The following LINGO3 variants were observed in gnomAD, a reference collection of about 807,000 sequenced individuals.
LINGO3 encodes leucine rich repeat and Ig domain containing 3, also known as leucine-rich repeat and immunoglobulin-like domain-containing nogo receptor-interacting protein 3.
For missense variants in LINGO3, 750 were observed against 867.7 expected (o/e 0.86, Z 1.70); for synonymous variants, 427 against 444.2 (o/e 0.96, Z 0.49).
chr19:2,301,831 G>T, the LINGO3 span, among the ~76,000 whole-genome samples: 1 of 150,988 alleles, frequency 6.6e-6, no homozygotes, highest in Non-Finnish European at 1.5e-5. Context: ...GGGAGGCTGA[G>T]GCAGGAGAAT....
downstream of LINGO3, among the ~76,000 whole-genome samples, chr19:2,288,457 G>A (rs111742787): frequency 6.8e-3 from 1,034 of 152,320 alleles, 4 homozygotes; most frequent in Non-Finnish European, 0.012. The surrounding 1 kb of genome is among the most constrained non-coding windows in gnomAD (Gnocchi z 6.5). Context: ...CGGCTCAGAG[G>A]TCATGTGTAC....
At chr19:2,305,391 A>G in the LINGO3 span, among the ~76,000 whole-genome samples, 1 of 152,156 alleles carries the variant, frequency 6.6e-6, no homozygotes, top group South Asian at 2.1e-4. Flanking sequence ...TCTTAGCTCA[A>G]GGAGAAGGCA....
chr19:2,289,870 A>T, exon 1 of LINGO3: 1 of 761,574 alleles, frequency 1.3e-6, no homozygotes, highest in South Asian at 1.9e-5. Context: ...GGCGTCTACA[A>T]AAAAAGGGGA....
At chr19:2,289,963 G>A (rs79931780) in exon 1 of LINGO3, 169,736 of 1,433,174 alleles carry the variant, frequency 0.12, 11,016 homozygotes, top group Non-Finnish European at 0.14. Context: ...CCGGCCCGCG[G>A]GGGAGGGGAG....
downstream of LINGO3, among the ~76,000 whole-genome samples, chr19:2,287,649 T>C (rs1478209490): frequency 6.6e-6 from 1 of 152,250 alleles, no homozygotes; most frequent in Non-Finnish European, 1.5e-5. This position sits in a 1 kb window ranked among gnomAD's most constrained non-coding sequence, Gnocchi z 4.5. Flanking sequence ...TGTTTCTCTC[T>C]GGCTGATCGA....
At chr19:2,299,462 C>T in the LINGO3 span, among the ~76,000 whole-genome samples, 17 of 151,848 alleles carry the variant, frequency 1.1e-4, no homozygotes, top group South Asian at 4.2e-4. Context: ...CTCGCTCTGT[C>T]GCCCAGGCTG....
the LINGO3 span, among the ~76,000 whole-genome samples, chr19:2,302,789 C>G: frequency 6.6e-6 from 1 of 152,214 alleles, no homozygotes; most frequent in East Asian, 1.9e-4. Context: ...GGGGCCGGGC[C>G]GGCGGCAGGG....
chr19:2,298,536 ATTTTT>A, the LINGO3 span, among the ~76,000 whole-genome samples: 13 of 114,114 alleles, frequency 1.1e-4, no homozygotes, highest in Admixed American at 1.9e-4. Flanking sequence ...TGGGCCAATA[ATTTTT>A]TTTTTTTTTT....
At chr19:2,306,050 C>CG in the LINGO3 span, among the ~76,000 whole-genome samples, 1 of 152,254 alleles carries the variant, frequency 6.6e-6, no homozygotes, top group African/African-American at 2.4e-5. Flanking sequence ...AGCCTGTACA[C>CG]GGGGGGCCGT....
chr19:2,303,195 G>C, the LINGO3 span, among the ~76,000 whole-genome samples: 1 of 152,222 alleles, frequency 6.6e-6, no homozygotes, highest in Non-Finnish European at 1.5e-5. Flanking sequence ...GGCCCGTCTG[G>C]ACATCTCGCA....
At chr19:2,303,367 G>T in the LINGO3 span, among the ~76,000 whole-genome samples, 9 of 120,802 alleles carry the variant, frequency 7.5e-5, no homozygotes, top group East Asian at 1.8e-3. Flanking sequence ...GGGGGGGGGG[G>T]TCTGTTCCGG....
At position 2,290,387 on chromosome 19, in the gene LINGO3, TC is replaced by T. The variant is rs2145085340; in HGVS notation, c.1389del (p.Thr464ArgfsTer32). On this transcript the variant is annotated frameshift_variant, in exon 1 of 1. Transcript: ENST00000585527. LOFTEE classifies it low-confidence loss of function (END_TRUNC). The surrounding 1 kb of genome is among the most constrained non-coding windows in gnomAD (Gnocchi z 6.0). ...GGCCGCGCGTCCTGGATCTCCAGCG[TC>T]CCCCCGGGGAGCACGCGCGCCCGGC... 6.1e-6 allele frequency: 9 copies of T among 1,471,770 alleles called. No individual in the cohort carries two copies. The highest frequency in any genetic ancestry group is 3.9e-5 in the South Asian group (3 of 76,020). The allele number at this position is 1,471,770 out of a possible 1,614,324, so 91.2% of individuals were successfully genotyped here.
At chr19:2,300,700 C>T in the LINGO3 span, among the ~76,000 whole-genome samples, 4 of 152,274 alleles carry the variant, frequency 2.6e-5, no homozygotes, top group East Asian at 1.9e-4. Flanking sequence ...CTGGGCCTCC[C>T]GCCACTGCCA....
chr19:2,299,968 C>T, the LINGO3 span, among the ~76,000 whole-genome samples: 11 of 150,532 alleles, frequency 7.3e-5, no homozygotes, highest in African/African-American at 2.4e-4. Flanking sequence ...CGTGATCCAC[C>T]GGCCTCGGCC....
At position 2,290,319 on chromosome 19, in the gene LINGO3, G is replaced by A. The variant is rs2025505638; in HGVS notation, c.1458C>T (p.Gly486=). Residue 486 remains glycine, a synonymous_variant, in exon 1 of 1, where the codon GGC becomes GGT. Transcript: ENST00000585527. The surrounding 1 kb of genome is among the most constrained non-coding windows in gnomAD (Gnocchi z 6.0). ...GCGTGGCGAAGTAGGTGTCGTTGCC[G>A]CCCGCGTTGCTGGCCACGCACGTGT... is the stretch of plus-strand genomic sequence containing the variant. 1 of 1,558,116 alleles carries A rather than the reference G, an allele frequency of 6.4e-7. No homozygotes were observed. Among genetic ancestry groups the A allele is most frequent in the African/African-American group, 1.4e-5 (1 of 73,276 alleles).
chr19:2,291,671 G>A, exon 1 of LINGO3: 1 of 1,332,084 alleles, frequency 7.5e-7, no homozygotes, highest in South Asian at 1.8e-5. Flanking sequence ...GCCACCGCGC[G>A]GGTCTGCACG....
chr19:2,302,393 G>A, the LINGO3 span, among the ~76,000 whole-genome samples: 23 of 152,138 alleles, frequency 1.5e-4, no homozygotes, highest in Admixed American at 1.4e-3. Context: ...ATTCTGGTGC[G>A]GGTGACACCG....
At chr19:2,289,654 C>T (rs527698247), downstream of LINGO3, 90 of 269,970 alleles carry the variant, frequency 3.3e-4, no homozygotes, top group Non-Finnish European at 5.4e-4. Flanking sequence ...GTGTGAATTG[C>T]GGGCCCTGAG....
chr19:2,304,282 A>C, the LINGO3 span, among the ~76,000 whole-genome samples: 1 of 152,176 alleles, frequency 6.6e-6, no homozygotes, highest in South Asian at 2.1e-4. Flanking sequence ...CAGAAGAAAC[A>C]AGTAAAGCCG....
Sources: gnomAD v4.1 joint callset for allele counts (sites outside exome capture counted in the v4.1 genomes callset) on GRCh38, gnomAD v4.1.1 for gene constraint, Gnocchi (gnomAD v3.1) non-coding constraint, MANE v1.5 for transcripts, NCBI Gene and HGNC (gene_info 2026-07-23, HGNC 2026-07-21) for gene names.